Variants in NXN observed in about 807,000 individuals in gnomAD.
NXN encodes nucleoredoxin, also known as nucleoredoxin 1.
NXN carries 16 observed loss-of-function variants against 48.6 expected under a neutral mutation model. That is an observed-to-expected ratio of 0.33 (90% CI 0.22 to 0.50). NXN has a LOEUF of 0.50. Among genes scored for constraint, NXN ranks in the 20% least tolerant of loss-of-function variants. The pLI is 0.98. For synonymous variants in NXN, 281 were observed against 269.6 expected, an observed-to-expected ratio of 1.04 and a Z score of -0.41; for missense variants, 492 against 605.5, an observed-to-expected ratio of 0.81 and a Z score of 1.97.
At chr17:823,897 C>CA in intron 2 of NXN, 132 bp from the exon 3 acceptor site, 2 of 766,024 alleles carry the variant, frequency 2.6e-6, no homozygotes, top group Non-Finnish European at 4.2e-6. Flanking sequence ...GCAGGCGTGA[C>CA]AAGATAATCA....
intron 1 of NXN, among the ~76,000 whole-genome samples, chr17:883,462 A>G (rs551977110): frequency 3.3e-5 from 5 of 152,100 alleles, no homozygotes; most frequent in Non-Finnish European, 7.4e-5. Context: ...CACAGCTCCA[A>G]ACCCCGCCTA....
chr17:822,685 A>G (rs573655315), intron 3 of NXN, among the ~76,000 whole-genome samples: 234 of 152,198 alleles, frequency 1.5e-3, no homozygotes, highest in Non-Finnish European at 2.8e-3. Flanking sequence ...AGCAAGACCT[A>G]GCCTCCTGCA....
chr17:805,020 TCCC>T, intron 6 of NXN, 45 bp downstream of exon 6: 92 of 1,512,678 alleles, frequency 6.1e-5, no homozygotes, highest in Non-Finnish European at 7.0e-5. Flanking sequence ...GCCCCTCCTG[TCCC>T]GCCCCCCAGC....
At chr17:923,493 G>A (rs1363490649) in intron 1 of NXN, among the ~76,000 whole-genome samples, 2 of 152,108 alleles carry the variant, frequency 1.3e-5, no homozygotes, top group African/African-American at 4.8e-5. Context: ...ACTCCAGCCT[G>A]GGCAACACAG....
intron 1 of NXN, among the ~76,000 whole-genome samples, chr17:875,474 A>G (rs530464701): frequency 2.0e-5 from 3 of 152,336 alleles, no homozygotes; most frequent in Admixed American, 2.0e-4. Flanking sequence ...TAAATCAGAG[A>G]GAATTCAAAC....
At chr17:861,071 C>T (rs2068035385) in intron 1 of NXN, among the ~76,000 whole-genome samples, 1 of 152,196 alleles carries the variant, frequency 6.6e-6, no homozygotes, top group Non-Finnish European at 1.5e-5. Context: ...GGGCCCTGGG[C>T]AGCTGGTTCT....
At chr17:951,241 T>C (rs767819139) in intron 1 of NXN, among the ~76,000 whole-genome samples, 26 of 145,738 alleles carry the variant, frequency 1.8e-4, no homozygotes, top group Non-Finnish European at 7.5e-5. Context: ...GCCCAGCTAC[T>C]TGGGAGGCTG....
chr17:923,691 G>C (rs1259681623), intron 1 of NXN, among the ~76,000 whole-genome samples: 1 of 152,218 alleles, frequency 6.6e-6, no homozygotes, highest in Non-Finnish European at 1.5e-5. Context: ...TTACGCTCTT[G>C]TAAGAAAACA....
In NXN at chr17:947,732, CAAAAAAAAA is replaced by C. The variant is rs1159185042; in HGVS notation, c.360+31578_360+31586del. Among the ~76,000 whole-genome samples, 7 of 36,660 alleles carry C rather than the reference CAAAAAAAAA, an allele frequency of 1.9e-4. No homozygotes were observed. In the South Asian group the frequency reaches 6.4e-3, roughly 34 times the overall value. The allele number at this position is 36,660 out of a possible 152,430, so 24.1% of individuals were successfully genotyped here. A position where few individuals can be genotyped will look rare whatever the true frequency, so the allele number is the denominator to read the frequency against. On this transcript the variant is annotated intron_variant, in intron 1 of 7. Coordinates refer to ENST00000336868, the MANE Select transcript of NXN (RefSeq NM_022463.5). ...TGGGCAACAGGGTGAGGCTCCCTCT[CAAAAAAAAA>C]AAAAAAAAAAAAAGGGCCAGGCATG...
intron 1 of NXN, among the ~76,000 whole-genome samples, chr17:880,952 T>C (rs1156260181): frequency 1.3e-5 from 2 of 152,070 alleles, no homozygotes; most frequent in African/African-American, 4.8e-5. Context: ...TTCCTGTGGT[T>C]CAAATCTCTG....
chr17:868,185 T>C (rs2068112800), intron 1 of NXN, among the ~76,000 whole-genome samples: 1 of 152,166 alleles, frequency 6.6e-6, no homozygotes, highest in Admixed American at 6.5e-5. Context: ...AACTCACCTC[T>C]CCTCTGTCCT....
chr17:858,601 G>A (rs986258334), intron 1 of NXN, among the ~76,000 whole-genome samples: 6 of 151,942 alleles, frequency 3.9e-5, no homozygotes, highest in Admixed American at 1.3e-4. Flanking sequence ...GGTGGCGGGC[G>A]CCTGTAGTCC....
At position 849,182 on chromosome 17, in the gene NXN, C is replaced by A. The variant is rs1033107868; in HGVS notation, c.361-23104G>T. ...TGGGTGTGCACGCTTGATCTAAGAC[C>A]AATCACGCTCTCTCCTGGAAGTTCA... On this transcript the variant is annotated intron_variant, in intron 1 of 7. Transcript: ENST00000336868. This position sits in a 1 kb window ranked among gnomAD's most constrained non-coding sequence, Gnocchi z 4.2. Among the ~76,000 whole-genome samples, 1 of 152,130 alleles carries A rather than the reference C, an allele frequency of 6.6e-6. No individual in the cohort carries two copies. Among genetic ancestry groups the A allele is most frequent in the African/African-American group, 2.4e-5 (1 of 41,430 alleles).
intron 1 of NXN, among the ~76,000 whole-genome samples, chr17:835,268 A>G (rs1479634961): frequency 1.3e-5 from 2 of 150,916 alleles, no homozygotes; most frequent in Non-Finnish European, 3.0e-5. Flanking sequence ...AGATCGTGCC[A>G]CTGCACTCCA....
At chr17:940,446 G>C (rs1028350808) in intron 1 of NXN, among the ~76,000 whole-genome samples, 3 of 152,142 alleles carry the variant, frequency 2.0e-5, no homozygotes, top group Non-Finnish European at 2.9e-5. Context: ...TTGGTAAAAA[G>C]AAGGAAAAAG....
At chr17:969,798 A>G (rs1004241182) in intron 1 of NXN, among the ~76,000 whole-genome samples, 1 of 152,174 alleles carries the variant, frequency 6.6e-6, no homozygotes, top group African/African-American at 2.4e-5. Context: ...TGTGGAACTG[A>G]TGCATCTGGA....
Position 978,836 on chromosome 17 carries a change from C to T in NXN, c.360+483G>A, listed in dbSNP as rs2069494318. On this transcript the variant is annotated intron_variant, in intron 1 of 7. Coordinates refer to ENST00000336868, the MANE Select transcript of NXN (RefSeq NM_022463.5). The surrounding 1 kb of genome is among the most constrained non-coding windows in gnomAD (Gnocchi z 4.1). ...GGGCGCCACGGGCGGGGGGCGTGCG[C>T]CCTCCCCTCCCCTCCCCTCCCCACT... Among the ~76,000 whole-genome samples the T allele has an allele frequency of 6.7e-6, 1 of 148,196 alleles. No homozygotes were observed.
intron 1 of NXN, among the ~76,000 whole-genome samples, chr17:952,838 C>G (rs2069127862): frequency 6.7e-6 from 1 of 148,878 alleles, no homozygotes; most frequent in African/African-American, 2.5e-5. Context: ...GTCAGACAGA[C>G]CAAGGTTGGA....
chr17:876,941 A>G (rs139286371), intron 1 of NXN, among the ~76,000 whole-genome samples: 4,828 of 151,976 alleles, frequency 0.032, 101 homozygotes, highest in Non-Finnish European at 0.042. Context: ...CGAGCTACTC[A>G]GGAAGCTGAG....
Sources: gnomAD v4.1 joint callset for allele counts (sites outside exome capture counted in the v4.1 genomes callset) on GRCh38, gnomAD v4.1.1 for gene constraint, Gnocchi (gnomAD v3.1) non-coding constraint, MANE v1.5 for transcripts, NCBI Gene and HGNC (gene_info 2026-07-23, HGNC 2026-07-21) for gene names.